ZBTB37: variants seen among roughly 807,000 people sequenced by gnomAD.
The protein encoded by ZBTB37 is zinc finger and BTB domain containing 37.
In ZBTB37, 15 loss-of-function variants were observed where a neutral mutation model predicts 37.7. The ratio of observed to expected loss-of-function variants is 0.40; its 90% confidence interval spans 0.27 to 0.61. The LOEUF is 0.61. Among genes scored for constraint, ZBTB37 ranks in the 20% least tolerant of loss-of-function variants. ZBTB37 has a pLI of 0.44. For synonymous variants in ZBTB37, 231 were observed against 220.6 expected (o/e 1.05, Z -0.42); for missense variants, 514 against 641.9 (o/e 0.80, Z 2.15).
At chr1:173,897,162 T>A (rs1375856277) in exon 4 of ZBTB37, 2 of 152,232 alleles carry the variant, frequency 1.3e-5, no homozygotes, top group Non-Finnish European at 2.9e-5. Context: ...GAAGTTTGGC[T>A]ATTTTTTCAT....
intron 4 of ZBTB37, among the ~76,000 whole-genome samples, chr1:173,884,032 T>C (rs760490985): frequency 6.6e-6 from 1 of 152,216 alleles, no homozygotes; most frequent in Non-Finnish European, 1.5e-5. Flanking sequence ...TTAAAAAGGT[T>C]TTTATTCCTC....
At chr1:173,888,843 G>A (rs539992858), downstream of ZBTB37, 18 of 152,322 alleles carry the variant, frequency 1.2e-4, no homozygotes, top group Admixed American at 5.2e-4. Flanking sequence ...TCTGTAAAGA[G>A]AAACTTTGCA....
chr1:173,869,251 A>G (rs1191271908), intron 2 of ZBTB37, 131 bp downstream of exon 2: 1 of 152,238 alleles, frequency 6.6e-6, no homozygotes, highest in Non-Finnish European at 1.5e-5. Flanking sequence ...TGGTGTAACT[A>G]TGTAATATAT....
intron 4 of ZBTB37, among the ~76,000 whole-genome samples, chr1:173,885,176 A>T (rs1405855289): frequency 1.3e-5 from 2 of 152,200 alleles, no homozygotes; most frequent in African/African-American, 4.8e-5. Context: ...TCTAGGCTGT[A>T]GTGAGCCGTG....
At chr1:173,873,592 C>T (rs1359785633) in intron 4 of ZBTB37, 26 bp downstream of exon 4, 2 of 1,612,960 alleles carry the variant, frequency 1.2e-6, no homozygotes, top group African/African-American at 1.3e-5. Context: ...TTTAGAACTG[C>T]TTTGGTGGTT....
exon 4 of ZBTB37, chr1:173,894,360 A>G (rs1201689957): frequency 6.6e-6 from 1 of 152,216 alleles, no homozygotes; most frequent in African/African-American, 2.4e-5. Context: ...CCCTGTGACA[A>G]CGACTCAGGT....
At chr1:173,885,976 G>C in exon 5 of ZBTB37, 3 of 1,551,734 alleles carry the variant, frequency 1.9e-6, no homozygotes, top group African/African-American at 2.7e-5. Flanking sequence ...CACCCTGGCT[G>C]TATACCCCTG....
chr1:173,885,899 T>A, exon 5 of ZBTB37: 1 of 1,551,886 alleles, frequency 6.4e-7, no homozygotes, highest in Non-Finnish European at 8.7e-7. Flanking sequence ...ACAAGCCCTT[T>A]CACTGTCATG....
intron 4 of ZBTB37, among the ~76,000 whole-genome samples, chr1:173,875,763 T>C (rs1161585136): frequency 1.3e-5 from 2 of 152,060 alleles, no homozygotes; most frequent in African/African-American, 4.8e-5. Flanking sequence ...CAGGTGATTC[T>C]CTCCCCTCAG....
chr1:173,901,722 A>G (rs1380959873), exon 4 of ZBTB37: 1 of 152,110 alleles, frequency 6.6e-6, no homozygotes, highest in African/African-American at 2.4e-5. Flanking sequence ...TTTCTTTCTA[A>G]ATGAGTACAT....
At chr1:173,885,928 C>T in exon 5 of ZBTB37, 1 of 1,551,824 alleles carries the variant, frequency 6.4e-7, no homozygotes, top group Non-Finnish European at 8.7e-7. Flanking sequence ...AAAAGTTTCC[C>T]CTTCCAGGCC....
intron 4 of ZBTB37, among the ~76,000 whole-genome samples, chr1:173,885,411 A>G (rs1220757164): frequency 6.6e-6 from 1 of 152,188 alleles, no homozygotes; most frequent in Non-Finnish European, 1.5e-5. Flanking sequence ...TCAGCCAGAA[A>G]GTAACTTTAC....
chr1:173,871,482 A>T (rs1655558459), intron 3 of ZBTB37, among the ~76,000 whole-genome samples: 1 of 152,086 alleles, frequency 6.6e-6, no homozygotes, highest in Non-Finnish European at 1.5e-5. Flanking sequence ...TCAGCTGGGA[A>T]CCTAGCAGCA....
chr1:173,879,030 G>A (rs1327321444), intron 4 of ZBTB37, among the ~76,000 whole-genome samples: 1 of 150,952 alleles, frequency 6.6e-6, no homozygotes, highest in Non-Finnish European at 1.5e-5. Flanking sequence ...GGTGGAGGTT[G>A]CAGTGAGCCG....
At chr1:173,874,260 A>G (rs1655771909) in intron 4 of ZBTB37, among the ~76,000 whole-genome samples, 1 of 151,634 alleles carries the variant, frequency 6.6e-6, no homozygotes, top group African/African-American at 2.4e-5. Context: ...CGTCTCAAAA[A>G]AAAAAAAAAA....
At chr1:173,868,927 C>G (rs1209572481) in exon 2 of ZBTB37, 1 of 152,720 alleles carries the variant, frequency 6.5e-6, no homozygotes, top group Non-Finnish European at 1.5e-5. Context: ...TTTTACAGCT[C>G]TCACCCCTCC....
chr1:173,887,501 AGG>A (rs902469940), downstream of ZBTB37: 9 of 152,334 alleles, frequency 5.9e-5, no homozygotes, highest in Non-Finnish European at 1.0e-4. Flanking sequence ...TAAAACTTCA[AGG>A]GACCCTTTTA....
At chr1:173,870,169 T>C in intron 2 of ZBTB37, 31 bp from the exon 3 acceptor site, 1 of 1,375,654 alleles carries the variant, frequency 7.3e-7, no homozygotes, top group South Asian at 1.5e-5. Context: ...ATTATAATTA[T>C]TAATGAGAAT....
At chr1:173,891,169 A>T (rs1352448994), downstream of ZBTB37, 7 of 152,144 alleles carry the variant, frequency 4.6e-5, no homozygotes, top group Admixed American at 4.6e-4. Flanking sequence ...TTTAAAGTTT[A>T]GTTGTAAGTA....
Sources: gnomAD v4.1 joint callset for allele counts (sites outside exome capture counted in the v4.1 genomes callset) on GRCh38, gnomAD v4.1.1 for gene constraint, MANE v1.5 for transcripts, NCBI Gene and HGNC (gene_info 2026-07-23, HGNC 2026-07-21) for gene names.